CLNK: variants seen among roughly 807,000 people sequenced by gnomAD.
CLNK encodes cytokine dependent hematopoietic cell linker.
A neutral mutation model predicts 68.6 loss-of-function variants in CLNK; 74 were observed. The ratio of observed to expected loss-of-function variants is 1.08; its 90% confidence interval spans 0.89 to 1.31. The LOEUF (loss-of-function observed/expected upper bound fraction) is 1.31, where lower values mean the gene tolerates loss of function less well. Among genes scored for constraint, CLNK ranks in the 50% most tolerant of loss-of-function variants. The pLI, the probability that CLNK is intolerant of heterozygous loss-of-function variation, is 0.00. For missense variants in CLNK, 553 were observed against 515.3 expected, an observed-to-expected ratio of 1.07 and a Z score of -0.71; for synonymous variants, 198 against 172.2, an observed-to-expected ratio of 1.15 and a Z score of -1.17.
At chr4:10,593,002 C>T (rs1721236997) in intron 3 of CLNK, among the ~76,000 whole-genome samples, 1 of 152,168 alleles carries the variant, frequency 6.6e-6, no homozygotes, top group South Asian at 2.1e-4. Context: ...GCTGGGATTA[C>T]AAGTGTGAGC....
chr4:10,669,948 A>G (rs1724564102), intron 1 of CLNK, among the ~76,000 whole-genome samples: 1 of 152,170 alleles, frequency 6.6e-6, no homozygotes, highest in South Asian at 2.1e-4. Flanking sequence ...TAATACAAAG[A>G]ATGCACATCA....
intron 15 of CLNK, among the ~76,000 whole-genome samples, chr4:10,515,007 C>A (rs922249852): frequency 2.8e-4 from 43 of 152,160 alleles, no homozygotes; most frequent in African/African-American, 1.0e-3. Context: ...GAGGCCGAGG[C>A]GGGTCGGATC....
chr4:10,658,626 T>C (rs915722712), intron 2 of CLNK, among the ~76,000 whole-genome samples: 1 of 152,150 alleles, frequency 6.6e-6, no homozygotes, highest in Non-Finnish European at 1.5e-5. Flanking sequence ...CCAGGGCTTC[T>C]CCGCAAGGCT....
chr4:10,712,383 C>T, the CLNK span, among the ~76,000 whole-genome samples: 1 of 152,196 alleles, frequency 6.6e-6, no homozygotes, highest in Non-Finnish European at 1.5e-5. Context: ...AAAGATCTAA[C>T]ATAACTGACT....
At chr4:10,519,144 T>G (rs1259903393) in intron 15 of CLNK, among the ~76,000 whole-genome samples, 2 of 152,144 alleles carry the variant, frequency 1.3e-5, no homozygotes, top group African/African-American at 4.8e-5. Flanking sequence ...CCCAGGCTTC[T>G]TTCAGCAACC....
intron 4 of CLNK, among the ~76,000 whole-genome samples, chr4:10,572,011 T>A (rs1257591573): frequency 2.0e-5 from 3 of 152,228 alleles, no homozygotes; most frequent in Non-Finnish European, 4.4e-5. Flanking sequence ...AATCAAACAG[T>A]GACTTGGAGG....
At chr4:10,685,806 TA>T (rs1246526853), upstream of CLNK, among the ~76,000 whole-genome samples, 1 of 152,204 alleles carries the variant, frequency 6.6e-6, no homozygotes, top group Non-Finnish European at 1.5e-5. Context: ...GGAACATATG[TA>T]AAATCCCATT....
chr4:10,623,238 T>A (rs1389363928), intron 2 of CLNK, among the ~76,000 whole-genome samples: 1 of 152,188 alleles, frequency 6.6e-6, no homozygotes, highest in Non-Finnish European at 1.5e-5. Context: ...TCTCTAGGTT[T>A]TTCGAGATGG....
chr4:10,599,912 C>T lies in CLNK; in HGVS notation c.12-1863G>A, dbSNP rs112254999. On this transcript the variant is annotated intron_variant, in intron 2 of 18. Transcript: ENST00000226951. ...CTGGCCTCCTGGGTTCCAATCCATA[C>T]GCCAAACTGGATCAAGAAGAACCTT... Among the ~76,000 whole-genome samples, 1,546 of 152,310 alleles carry T rather than the reference C, an allele frequency of 0.01. 48 individuals carry two copies. In the East Asian group the frequency reaches 0.12, roughly 12 times the overall value.
intron 11 of CLNK, among the ~76,000 whole-genome samples, chr4:10,533,259 A>AAAAC (rs201766977): frequency 0.018 from 2,812 of 152,280 alleles, 46 homozygotes; most frequent in Non-Finnish European, 0.027. Flanking sequence ...ACTCCATTTC[A>AAAAC]AAACAAACAA....
rs201848398 is a variant in CLNK at position 10,676,583 on chromosome 4, C to T, written c.-43+8085G>A. 5.3e-5 allele frequency among the ~76,000 whole-genome samples: 8 copies of T among 152,114 alleles called. No individual in the cohort carries two copies. The East Asian group carries it at 1.5e-3, about 29-fold the overall frequency. On this transcript the variant is annotated intron_variant, in intron 1 of 18. Transcript: ENST00000226951. ...TGAAAACACTCTTAATGAACTGATGCAATCTATAGTTTCTGAATTTATTAT... is the reference window on the plus strand; with the variant it reads ...TGAAAACACTCTTAATGAACTGATGTAATCTATAGTTTCTGAATTTATTAT...
At chr4:10,596,673 T>A (rs1721399294) in intron 3 of CLNK, among the ~76,000 whole-genome samples, 1 of 145,148 alleles carries the variant, frequency 6.9e-6, no homozygotes, top group Admixed American at 6.9e-5. Flanking sequence ...TGTATGTCTA[T>A]GTTTTTTTTT....
chr4:10,582,995 T>A (rs1242588204), intron 4 of CLNK, among the ~76,000 whole-genome samples: 2 of 152,202 alleles, frequency 1.3e-5, no homozygotes, highest in Admixed American at 6.5e-5. Flanking sequence ...GCAATGAATG[T>A]GCTTCAACAT....
intron 4 of CLNK, among the ~76,000 whole-genome samples, chr4:10,578,243 G>A (rs1027037040): frequency 1.3e-5 from 2 of 152,176 alleles, no homozygotes; most frequent in Non-Finnish European, 2.9e-5. Flanking sequence ...AACCCAGGTC[G>A]TTAGCACTGC....
intron 2 of CLNK, among the ~76,000 whole-genome samples, chr4:10,632,573 T>A (rs1313799946): frequency 1.3e-5 from 2 of 152,258 alleles, no homozygotes; most frequent in Non-Finnish European, 2.9e-5. Flanking sequence ...TTTTTGTGCA[T>A]CATTGTACCC....
At chr4:10,710,775 T>C in the CLNK span, among the ~76,000 whole-genome samples, 1 of 152,214 alleles carries the variant, frequency 6.6e-6, no homozygotes. Flanking sequence ...CATGCCTTGG[T>C]TATGTCTGTC....
chr4:10,561,621 C>T (rs16869855), intron 7 of CLNK, among the ~76,000 whole-genome samples: 2,199 of 152,288 alleles, frequency 0.014, 22 homozygotes, highest in Non-Finnish European at 0.023. Flanking sequence ...GTGTCTTCAG[C>T]CACTGGTCCA....
intron 16 of CLNK, among the ~76,000 whole-genome samples, chr4:10,508,538 T>G (rs955994374): frequency 1.3e-5 from 2 of 152,330 alleles, no homozygotes; most frequent in Middle Eastern, 3.4e-3. Context: ...CCGCACTGCT[T>G]TATTTATATC....
At chr4:10,700,741 G>A in the CLNK span, among the ~76,000 whole-genome samples, 53 of 152,124 alleles carry the variant, frequency 3.5e-4, no homozygotes, top group Non-Finnish European at 7.5e-4. Context: ...GCATGGGTGG[G>A]GAAAATTACC....
Sources: allele counts gnomAD v4.1 joint callset (sites outside exome capture counted in the v4.1 genomes callset), GRCh38; gene constraint gnomAD v4.1.1; transcripts MANE v1.5; gene names NCBI Gene and HGNC (gene_info 2026-07-23, HGNC 2026-07-21).